B9D2: variants seen among roughly 807,000 people sequenced by gnomAD.
The protein encoded by B9D2 is B9 domain containing 2.
In B9D2, 21 loss-of-function variants were observed where a neutral mutation model predicts 19.2. The observed-to-expected ratio is 1.09, with a 90% confidence interval of 0.78 to 1.58. B9D2 has a LOEUF of 1.58. B9D2 is among the 40% of genes most tolerant of loss of function. The pLI is 0.00. For synonymous variants in B9D2, 91 were observed against 100.6 expected, an observed-to-expected ratio of 0.90 and a Z score of 0.57; for missense variants, 221 against 244.3, an observed-to-expected ratio of 0.90 and a Z score of 0.64.
intron 3 of B9D2, 127 bp from the exon 4 acceptor site, chr19:41,355,140 A>G: frequency 9.8e-7 from 1 of 1,015,936 alleles, no homozygotes; most frequent in Non-Finnish European, 1.4e-6. Flanking sequence ...TCTGTCCCAG[A>G]GTTTCCAACC....
intron 2 of B9D2, among the ~76,000 whole-genome samples, chr19:41,359,762 T>C (rs750007983): frequency 1.3e-5 from 2 of 152,080 alleles, no homozygotes; most frequent in Non-Finnish European, 2.9e-5. Context: ...TCCCAGATGC[T>C]ATGCTAAGTA....
intron 2 of B9D2, chr19:41,363,152 G>A (rs1399919665): frequency 6.5e-6 from 3 of 461,796 alleles, no homozygotes; most frequent in African/African-American, 2.0e-5. Flanking sequence ...AGGCTGAGGC[G>A]GGAGGATCAC....
rs1320512542 is a variant in B9D2, at chr19:41,364,137, C to G, written c.-184G>C. ...CCGCGACCGCGCTCGTCTTGGTTTC[C>G]GTGGTTGTTGCTGGGGCAACAGCAG... On this transcript the variant is annotated 5_prime_UTR_variant, in exon 1 of 4. Coordinates refer to ENST00000243578, the MANE Select transcript of B9D2 (RefSeq NM_030578.4). 1 of 163,288 alleles carries G rather than the reference C, an allele frequency of 6.1e-6. No homozygotes were observed. Among genetic ancestry groups the G allele is most frequent in the Admixed American group, 5.7e-5 (1 of 17,508 alleles). The allele number at this position is 163,288 out of a possible 1,614,324, so 10.1% of individuals were successfully genotyped here. A position where few individuals can be genotyped will look rare whatever the true frequency, so the allele number is the denominator to read the frequency against.
intron 2 of B9D2, 150 bp downstream of exon 2, chr19:41,363,282 G>T: frequency 1.3e-6 from 1 of 777,436 alleles, no homozygotes; most frequent in Non-Finnish European, 2.2e-6. Context: ...GGGAGCTTGA[G>T]ACTCATGTGG....
At position 41,354,915 on chromosome 19, in the gene B9D2, T is replaced by C. The variant is rs760985590; in HGVS notation, c.313A>G (p.Thr105Ala). ...GFCHVPSSPG[T>A]HQLACPTWRP... ...CACGTGGGGCAGGCCAGCTGGTGGG[T>C]GCCCGGGCTACTGGGCACATGGCAA... The change falls in exon 4 of 4, where the codon ACC becomes GCC. Residue 105 changes from threonine to alanine, a missense_variant. Physicochemically the swap from Thr to Ala is moderately conservative, Grantham distance 58 (BLOSUM62 0). Coordinates refer to ENST00000243578, the MANE Select transcript of B9D2 (RefSeq NM_030578.4). 2.5e-6 allele frequency: 4 copies of C among 1,613,204 alleles called. No homozygotes were observed. In the East Asian group the frequency reaches 6.7e-5, roughly 27 times the overall value.
chr19:41,354,582 C>G lies in B9D2; in HGVS notation c.*118G>C. 1 of 1,356,720 alleles carries G rather than the reference C, an allele frequency of 7.4e-7. No homozygotes were observed. The highest frequency in any genetic ancestry group is 1.9e-5 in the Admixed American group (1 of 53,392). The allele number at this position is 1,356,720 out of a possible 1,614,324, so 84.0% of individuals were successfully genotyped here. Reference sequence around the variant, plus strand: ...TAGAAAGGACAGAAGCGGTGCCATGCCTTAGCTGGGGTCAGCTCTGACAGT... The same window carrying G: ...TAGAAAGGACAGAAGCGGTGCCATGGCTTAGCTGGGGTCAGCTCTGACAGT... On this transcript the variant is annotated 3_prime_UTR_variant, in exon 4 of 4. Coordinates refer to ENST00000243578, the MANE Select transcript of B9D2 (RefSeq NM_030578.4).
In B9D2 at chr19:41,354,680, G is replaced by A. The variant is rs371009412; in HGVS notation, c.*20C>T. On this transcript the variant is annotated 3_prime_UTR_variant, in exon 4 of 4. Transcript: ENST00000243578. ...GGGTGTCCGGGGTGTGGATGGTGGTGACGTTGGAGGCAGAGTCCCTCAGCA... is the reference window on the plus strand; with the variant it reads ...GGGTGTCCGGGGTGTGGATGGTGGTAACGTTGGAGGCAGAGTCCCTCAGCA... 6.2e-6 allele frequency: 10 copies of A among 1,613,776 alleles called. No homozygotes were observed. In the African/African-American group the frequency reaches 1.3e-4, roughly 22 times the overall value.
At chr19:41,363,862 G>C (rs1276448007) in intron 1 of B9D2, 96 bp downstream of exon 1, 2 of 515,850 alleles carry the variant, frequency 3.9e-6, no homozygotes, top group Non-Finnish European at 7.0e-6. Context: ...CAGCCACCCC[G>C]CTTCCCTCCC....
At position 41,358,024 on chromosome 19, in the gene B9D2, T is replaced by C; in HGVS notation, c.89-2A>G. The C allele has an allele frequency of 5.0e-6, 8 of 1,613,932 alleles. No homozygotes were observed. The highest frequency in any genetic ancestry group is 5.9e-6 in the Non-Finnish European group (7 of 1,179,950). Reference sequence around the variant, plus strand: ...CTGACAGGAGCTTCCATGCCGCCCCTGCAGTGAGAGCCGGGACATAGAGGG... The same window carrying C: ...CTGACAGGAGCTTCCATGCCGCCCCCGCAGTGAGAGCCGGGACATAGAGGG... On this transcript the variant is annotated splice_acceptor_variant, in intron 2 of 3. Coordinates refer to ENST00000243578, the MANE Select transcript of B9D2 (RefSeq NM_030578.4). LOFTEE classifies it high-confidence loss of function.
intron 2 of B9D2, among the ~76,000 whole-genome samples, chr19:41,360,495 A>G (rs1043007983): frequency 6.6e-6 from 1 of 150,696 alleles, no homozygotes; most frequent in African/African-American, 2.4e-5. Flanking sequence ...TTATCTGTTT[A>G]TTTATTTTAT....
chr19:41,359,537 C>T (rs1599907601), intron 2 of B9D2, among the ~76,000 whole-genome samples: 1 of 151,986 alleles, frequency 6.6e-6, no homozygotes, highest in Admixed American at 6.6e-5. Context: ...CCTATCTCTA[C>T]TAAAAAAATA....
rs529500666 is a variant in B9D2 at position 41,362,227 on chromosome 19, C to CAA, written c.88+1203_88+1204dup. ...TGAAACCCCATCTCTACTAAAAATA[C>CAA]AAAAAAAAAAAAAATAGCCGGGCAT... On this transcript the variant is annotated intron_variant, in intron 2 of 3. Coordinates refer to ENST00000243578, the MANE Select transcript of B9D2 (RefSeq NM_030578.4). Among the ~76,000 whole-genome samples the CAA allele has an allele frequency of 2.2e-4, 27 of 125,490 alleles. No individual in the cohort carries two copies. The South Asian group carries it at 2.2e-3, about 10-fold the overall frequency. The allele number at this position is 125,490 out of a possible 152,430, so 82.3% of individuals were successfully genotyped here.
rs1401587821 is a variant in B9D2, at chr19:41,354,845, A to T, written c.383T>A (p.Val128Glu). ...ATGCAGCAGCTGCGGCCCACCACCC[A>T]CGAAAGCCCGTGCCAACTGTTCTCG... Reference protein sequence around the residue: ...SWREQLARAFVGGGPQLLHGD... With the variant: ...SWREQLARAFEGGGPQLLHGD... The change falls in exon 4 of 4, where the codon GTG becomes GAG. Residue 128 changes from valine (V) to glutamate (E), a missense_variant. Transcript: ENST00000243578. 1 of 1,613,920 alleles carries T rather than the reference A, an allele frequency of 6.2e-7. No homozygotes were observed. Among genetic ancestry groups the T allele is most frequent in the Non-Finnish European group, 8.5e-7 (1 of 1,179,964 alleles).
rs190640642 is a variant in B9D2, at chr19:41,359,283, T to C, written c.89-1261A>G. 1.4e-3 allele frequency among the ~76,000 whole-genome samples: 202 copies of C among 149,610 alleles called. 1 individual carries two copies. Among genetic ancestry groups the C allele is most frequent in the Non-Finnish European group, 2.1e-3 (144 of 67,272 alleles). ...CCATCTCTACTAAAAATACAAAAAT[T>C]AGGATGGGCGCAGTGGCTCACATCT... On this transcript the variant is annotated intron_variant, in intron 2 of 3. Coordinates refer to ENST00000243578, the MANE Select transcript of B9D2 (RefSeq NM_030578.4).
At chr19:41,363,857 A>AC (rs1210217432) in intron 1 of B9D2, 101 bp downstream of exon 1, 2 of 516,458 alleles carry the variant, frequency 3.9e-6, no homozygotes, top group African/African-American at 3.9e-5. Context: ...CACGCCAGCC[A>AC]CCCCGCTTCC....
rs190798453 is a variant in B9D2 at position 41,354,871 on chromosome 19, C to T, written c.357G>A (p.Trp119Ter). 6.2e-7 allele frequency: 1 copy of T among 1,613,872 alleles called. No homozygotes were observed. The highest frequency in any genetic ancestry group is 8.5e-7 in the Non-Finnish European group (1 of 1,179,960). The change falls in exon 4 of 4, where the codon TGG (tryptophan) becomes TGA (stop). Residue 119 changes from tryptophan (W) to a stop codon, truncating the protein, a stop_gained. Coordinates refer to ENST00000243578, the MANE Select transcript of B9D2 (RefSeq NM_030578.4). LOFTEE classifies it high-confidence loss of function. The stretch of plus-strand genomic sequence containing the variant: ...CGAAAGCCCGTGCCAACTGTTCTCG[C>T]CAACTGCCCAGGGGCCGCCACGTGG... ...ACPTWRPLGS[W>*]REQLARAFVG...
intron 3 of B9D2, 24 bp downstream of exon 3, chr19:41,357,873 C>A (rs2038339986): frequency 6.2e-7 from 1 of 1,613,680 alleles, no homozygotes. Flanking sequence ...TCAGCCTGGA[C>A]CCGGGTCCAG....
intron 2 of B9D2, among the ~76,000 whole-genome samples, chr19:41,360,495 ATTTAT>A (rs760778539): frequency 2.7e-5 from 4 of 150,816 alleles, no homozygotes; most frequent in South Asian, 4.2e-4. Flanking sequence ...TTATCTGTTT[ATTTAT>A]TTTATTTTAT....
chr19:41,357,771 G>C, intron 3 of B9D2, 126 bp downstream of exon 3: 2 of 1,400,032 alleles, frequency 1.4e-6, no homozygotes, highest in Non-Finnish European at 2.0e-6. Context: ...GGCCAGACTT[G>C]GCTGCAAAAG....
Sources: gnomAD v4.1 joint callset for allele counts (sites outside exome capture counted in the v4.1 genomes callset) on GRCh38, gnomAD v4.1.1 for gene constraint, MANE v1.5 for transcripts, NCBI Gene and HGNC (gene_info 2026-07-23, HGNC 2026-07-21) for gene names.